ATG14: variants seen among roughly 807,000 people sequenced by gnomAD.
ATG14 encodes the protein autophagy related 14.
A neutral mutation model predicts 60.4 loss-of-function variants in ATG14; 35 were observed. That is an observed-to-expected ratio of 0.58 (90% CI 0.44 to 0.77). The LOEUF is 0.77. ATG14 is among the 30% of genes least tolerant of loss of function. The pLI, the probability that ATG14 is intolerant of heterozygous loss-of-function variation, is 0.00. For synonymous variants in ATG14, 234 were observed against 228.8 expected (o/e 1.02, Z -0.21); for missense variants, 647 against 626.3 (o/e 1.03, Z -0.35).
At chr14:55,392,617 C>A (rs1885237597) in intron 3 of ATG14, among the ~76,000 whole-genome samples, 1 of 148,492 alleles carries the variant, frequency 6.7e-6, no homozygotes, top group Non-Finnish European at 1.5e-5. Context: ...CCACGGCACT[C>A]CAGCCTGGGT....
intron 7 of ATG14, among the ~76,000 whole-genome samples, chr14:55,379,866 G>A (rs780183869): frequency 5.9e-5 from 9 of 152,292 alleles, no homozygotes; most frequent in African/African-American, 1.7e-4. Flanking sequence ...GGATACAGGC[G>A]CAGGCCACCA....
chr14:55,386,659 A>G (rs1885130450), intron 4 of ATG14, among the ~76,000 whole-genome samples: 1 of 152,190 alleles, frequency 6.6e-6, no homozygotes, highest in Non-Finnish European at 1.5e-5. Flanking sequence ...AGGTATCTAG[A>G]CACGCATGCC....
chr14:55,389,353 G>C (rs1394952756), intron 4 of ATG14, among the ~76,000 whole-genome samples: 1 of 152,186 alleles, frequency 6.6e-6, no homozygotes, highest in African/African-American at 2.4e-5. Context: ...ACTGAACAAA[G>C]AGCCTTTGGA....
At position 55,368,844 on chromosome 14, in the gene ATG14, G is replaced by A. The variant is rs913500188; in HGVS notation, c.*775C>T. 3.3e-5 allele frequency: 5 copies of A among 152,300 alleles called. No individual in the cohort carries two copies. The allele number at this position is 152,300 out of a possible 1,614,324, so 9.4% of individuals were successfully genotyped here. ...TAAGTTCAATTTCAAAATGCTCATAGTGTGGATGGCAGGAATTCAACTAGG... is the reference window on the plus strand; with the variant it reads ...TAAGTTCAATTTCAAAATGCTCATAATGTGGATGGCAGGAATTCAACTAGG... On this transcript the variant is annotated 3_prime_UTR_variant, in exon 10 of 10. Transcript: ENST00000247178.
At chr14:55,395,171 C>G (rs184821330) in intron 3 of ATG14, 1 of 455,718 alleles carries the variant, frequency 2.2e-6, no homozygotes, top group Non-Finnish European at 4.5e-6. Flanking sequence ...ATAAGCGTGC[C>G]GATCTCCTCT....
intron 9 of ATG14, among the ~76,000 whole-genome samples, chr14:55,376,094 G>A (rs911996871): frequency 2.6e-5 from 4 of 152,196 alleles, no homozygotes; most frequent in Admixed American, 6.5e-5. Flanking sequence ...CTGCATGAGT[G>A]TCTACTACTG....
rs1165938421 is a variant in ATG14, at chr14:55,402,893, C to CA, written c.222-5460dup. Among the ~76,000 whole-genome samples, 22 of 11,100 alleles carry CA rather than the reference C, an allele frequency of 2.0e-3. 7 individuals carry two copies. The highest frequency in any genetic ancestry group is 0.015 in the East Asian group (2 of 130). 7.3% of individuals were successfully genotyped at this position (11,100 alleles called of 152,430 possible). On this transcript the variant is annotated intron_variant, in intron 1 of 9. Coordinates refer to ENST00000247178, the MANE Select transcript of ATG14 (RefSeq NM_014924.5). ...GCAACATAGTAAGACTCCATCTCTACAAAAAAAAAAAAAAAAAAAAAAAAA... is the reference window on the plus strand; with the variant it reads ...GCAACATAGTAAGACTCCATCTCTACAAAAAAAAAAAAAAAAAAAAAAAAAA...
chr14:55,386,719 G>C (rs908796962), intron 4 of ATG14, among the ~76,000 whole-genome samples: 1 of 152,170 alleles, frequency 6.6e-6, no homozygotes, highest in Non-Finnish European at 1.5e-5. Flanking sequence ...ACACAACCAC[G>C]AGGAGACATA....
intron 4 of ATG14, among the ~76,000 whole-genome samples, chr14:55,388,836 A>C (rs1257912556): frequency 6.6e-6 from 1 of 152,204 alleles, no homozygotes; most frequent in Non-Finnish European, 1.5e-5. Context: ...AGTCATCAGA[A>C]CCACCTGGAG....
chr14:55,388,977 T>C lies in ATG14; in HGVS notation c.409+1934A>G, dbSNP rs182671799. Among the ~76,000 whole-genome samples the C allele has an allele frequency of 3.3e-5, 5 of 152,158 alleles. No homozygotes were observed. The East Asian group carries it at 9.7e-4, about 29-fold the overall frequency. On this transcript the variant is annotated intron_variant, in intron 4 of 9. Coordinates refer to ENST00000247178, the MANE Select transcript of ATG14 (RefSeq NM_014924.5). The stretch of plus-strand genomic sequence containing the variant: ...TTTTTTTCAACATGGCGATTTGACA[T>C]TGCCATCACGTTCAAGCATGTGATC...
Position 55,369,419 on chromosome 14 carries a change from T to G in ATG14, c.*200A>C. ...GACCTTCGACCCCTGTTCTCTTAAT[T>G]ATCATAAGCATGTTGGTCACCATCA... On this transcript the variant is annotated 3_prime_UTR_variant, in exon 10 of 10. Coordinates refer to ENST00000247178, the MANE Select transcript of ATG14 (RefSeq NM_014924.5). 1 of 453,944 alleles carries G rather than the reference T, an allele frequency of 2.2e-6. No homozygotes were observed. Among genetic ancestry groups the G allele is most frequent in the East Asian group, 3.4e-5 (1 of 29,616 alleles). 28.1% of individuals were successfully genotyped at this position (453,944 alleles called of 1,614,324 possible).
At chr14:55,396,594 G>A (rs545355647) in intron 2 of ATG14, among the ~76,000 whole-genome samples, 6 of 152,290 alleles carry the variant, frequency 3.9e-5, no homozygotes, top group East Asian at 1.9e-4. Context: ...AGACATCCAC[G>A]TTGGCATGGT....
At chr14:55,389,346 G>A in intron 4 of ATG14, among the ~76,000 whole-genome samples, 1 of 152,334 alleles carries the variant, frequency 6.6e-6, no homozygotes, top group East Asian at 1.9e-4. Flanking sequence ...TGTTGCTACT[G>A]AACAAAGAGC....
intron 6 of ATG14, among the ~76,000 whole-genome samples, 185 bp from the exon 7 acceptor site, chr14:55,380,875 A>ATATATATATATT (rs377330757): frequency 6.2e-5 from 7 of 112,700 alleles, no homozygotes; most frequent in African/African-American, 1.5e-4. Context: ...ATATATATAT[A>ATATATATATATT]TTTTTTTTTT....
chr14:55,373,898 A>G (rs1211271115), intron 9 of ATG14, among the ~76,000 whole-genome samples: 1 of 152,200 alleles, frequency 6.6e-6, no homozygotes, highest in Non-Finnish European at 1.5e-5. Flanking sequence ...TTCCATGAAC[A>G]ATCTTCTCTA....
At chr14:55,379,184 A>G (rs1407106913) in intron 7 of ATG14, among the ~76,000 whole-genome samples, 1 of 152,212 alleles carries the variant, frequency 6.6e-6, no homozygotes, top group Non-Finnish European at 1.5e-5. Context: ...TACTTCATAA[A>G]TATGTGTTAC....
At chr14:55,390,311 T>A (rs1885193014) in intron 4 of ATG14, among the ~76,000 whole-genome samples, 1 of 152,112 alleles carries the variant, frequency 6.6e-6, no homozygotes, top group Non-Finnish European at 1.5e-5. Context: ...CCTCAGGTGA[T>A]CCACTCCCCT....
chr14:55,379,411 A>G (rs1279968141), intron 7 of ATG14, among the ~76,000 whole-genome samples: 1 of 151,986 alleles, frequency 6.6e-6, no homozygotes, highest in Non-Finnish European at 1.5e-5. Context: ...GTGTGGTAGC[A>G]TGAACCTGTG....
intron 2 of ATG14, among the ~76,000 whole-genome samples, 155 bp from the exon 3 acceptor site, chr14:55,396,137 T>C (rs1252589496): frequency 2.0e-5 from 3 of 152,350 alleles, no homozygotes; most frequent in Admixed American, 2.0e-4. Flanking sequence ...AAATTCCCTG[T>C]TCTCTGCAAT....
Sources: allele counts gnomAD v4.1 joint callset (sites outside exome capture counted in the v4.1 genomes callset), GRCh38; gene constraint gnomAD v4.1.1; transcripts MANE v1.5; gene names NCBI Gene and HGNC (gene_info 2026-07-23, HGNC 2026-07-21).